Variants in UBA6 observed in about 807,000 individuals in gnomAD.
UBA6 encodes the protein ubiquitin-like modifier-activating enzyme 6.
UBA6 carries 87 observed loss-of-function variants against 148.3 expected under a neutral mutation model. The observed-to-expected ratio is 0.59, with a 90% CI of 0.49 to 0.70. The LOEUF is 0.70. UBA6 is among the 30% of genes least tolerant of loss of function. UBA6 has a pLI of 0.00. For missense variants in UBA6, 1,186 were observed against 1,241.2 expected, an observed-to-expected ratio of 0.96 and a Z score of 0.67; for synonymous variants, 376 against 401.0, an observed-to-expected ratio of 0.94 and a Z score of 0.75.
chr4:67,662,414 TAA>T lies in UBA6; in HGVS notation c.1038-161_1038-160del, dbSNP rs1360187087. On this transcript the variant is annotated intron_variant, in intron 12 of 32. Coordinates refer to ENST00000322244, the MANE Select transcript of UBA6 (RefSeq NM_018227.6). ...TACTGATTTAAAGATGATTGGCTTATAAATACATTACTTCAAAATCACACTTA... is the reference window on the plus strand; with the variant it reads ...TACTGATTTAAAGATGATTGGCTTATATACATTACTTCAAAATCACACTTA... 7.4e-6 allele frequency: 4 copies of T among 539,888 alleles called. No individual in the cohort carries two copies. In the African/African-American group the frequency reaches 7.7e-5, roughly 10 times the overall value. 33.4% of individuals were successfully genotyped at this position (539,888 alleles called of 1,614,324 possible). A position where few individuals can be genotyped will look rare whatever the true frequency, so the allele number is the denominator to read the frequency against.
intron 28 of UBA6, 54 bp from the exon 29 acceptor site, chr4:67,625,241 C>T: frequency 7.2e-7 from 1 of 1,391,182 alleles, no homozygotes; most frequent in Middle Eastern, 1.9e-4. Flanking sequence ...AAAGATTTTA[C>T]TAGGTAAAAA....
intron 31 of UBA6, 91 bp from the exon 32 acceptor site, chr4:67,623,016 C>T (rs575152083): frequency 7.4e-7 from 1 of 1,357,302 alleles, no homozygotes; most frequent in South Asian, 1.3e-5. Context: ...TGTTTTATGA[C>T]CAGTAAAAAA....
At chr4:67,664,069 G>A in intron 10 of UBA6, 122 bp from the exon 11 acceptor site, 1 of 648,442 alleles carries the variant, frequency 1.5e-6, no homozygotes, top group East Asian at 2.7e-5. Flanking sequence ...ATAAAGTAGG[G>A]TTGGGCTGGT....
At position 67,696,842 on chromosome 4, in the gene UBA6, T is replaced by C. The variant is rs1730852136; in HGVS notation, c.72-135A>G. 6.3e-6 allele frequency: 4 copies of C among 637,202 alleles called. No individual in the cohort carries two copies. In the South Asian group the frequency reaches 6.8e-5, roughly 11 times the overall value. The allele number at this position is 637,202 out of a possible 1,614,324, so 39.5% of individuals were successfully genotyped here. A position where few individuals can be genotyped will look rare whatever the true frequency, so the allele number is the denominator to read the frequency against. The stretch of plus-strand genomic sequence containing the variant: ...ATTTTATTAACAACCACTTTACTTA[T>C]ATTTTTTAAATGGCCTGAAATTAAA... On this transcript the variant is annotated intron_variant, in intron 1 of 32. Coordinates refer to ENST00000322244, the MANE Select transcript of UBA6 (RefSeq NM_018227.6).
At chr4:67,676,127 G>A (rs1390158652) in intron 6 of UBA6, among the ~76,000 whole-genome samples, 4 of 150,186 alleles carry the variant, frequency 2.7e-5, no homozygotes, top group Admixed American at 6.7e-5. Context: ...GGGTTCAAGC[G>A]ATTCTCCTGC....
intron 2 of UBA6, among the ~76,000 whole-genome samples, chr4:67,686,956 A>AC: frequency 1.8e-5 from 1 of 55,032 alleles, no homozygotes. Flanking sequence ...TGTCTCTAAA[A>AC]AAAAAAAAAA....
Position 67,663,600 on chromosome 4 carries a change from T to G in UBA6, c.960+285A>C, listed in dbSNP as rs1444911958. On this transcript the variant is annotated intron_variant, in intron 11 of 32. Transcript: ENST00000322244. ...CAGAAAATCTTTTAATAAGATCATCTTTGTACAAGTTATTGAAATCGTCTT... is the reference window on the plus strand; with the variant it reads ...CAGAAAATCTTTTAATAAGATCATCGTTGTACAAGTTATTGAAATCGTCTT... The G allele has an allele frequency of 2.3e-5, 10 of 432,538 alleles. No homozygotes were observed. In the East Asian group the frequency reaches 3.8e-4, roughly 16 times the overall value. The allele number at this position is 432,538 out of a possible 1,614,324, so 26.8% of individuals were successfully genotyped here. A position where few individuals can be genotyped will look rare whatever the true frequency, so the allele number is the denominator to read the frequency against.
chr4:67,644,275 T>C (rs1729370429), intron 17 of UBA6, among the ~76,000 whole-genome samples: 1 of 152,162 alleles, frequency 6.6e-6, no homozygotes, highest in African/African-American at 2.4e-5. Context: ...CTACTTTTAA[T>C]ACTCTTTAAT....
Position 67,635,538 on chromosome 4 carries a change from C to T in UBA6, c.1757G>A (p.Arg586Lys), listed in dbSNP as rs756000452. 1.9e-6 allele frequency: 3 copies of T among 1,610,500 alleles called. No homozygotes were observed. Among genetic ancestry groups the T allele is most frequent in the African/African-American group, 2.7e-5 (2 of 74,796 alleles). The change falls in exon 20 of 33, where the codon AGG (arginine) becomes AAG (lysine). Residue 586 changes from arginine to lysine, a missense_variant. Transcript: ENST00000322244. ...CATTGTTCCAGAATCTAAAAGAGGCCTTAGATTTGCTAAGCAACGACTATT... is the reference window on the plus strand; with the variant it reads ...CATTGTTCCAGAATCTAAAAGAGGCTTTAGATTTGCTAAGCAACGACTATT... ...YVDSRCLANL[R>K]PLLDSGTMGT...
intron 13 of UBA6, among the ~76,000 whole-genome samples, chr4:67,653,592 A>G (rs1350542182): frequency 6.6e-6 from 1 of 152,230 alleles, no homozygotes; most frequent in Non-Finnish European, 1.5e-5. Flanking sequence ...CCAGAGCAGA[A>G]AAGCCAAAAA....
intron 1 of UBA6, 99 bp from the exon 2 acceptor site, chr4:67,696,806 A>G: frequency 1.2e-6 from 1 of 851,672 alleles, no homozygotes; most frequent in East Asian, 2.7e-5. Context: ...GTTTTCACAA[A>G]CCAAACATAT....
Position 67,698,347 on chromosome 4 carries a change from T to C in UBA6, c.72-1640A>G, listed in dbSNP as rs376622666. Among the ~76,000 whole-genome samples the C allele has an allele frequency of 5.9e-5, 9 of 152,332 alleles. No individual in the cohort carries two copies. The South Asian group carries it at 6.2e-4, about 11-fold the overall frequency. On this transcript the variant is annotated intron_variant, in intron 1 of 32. Transcript: ENST00000322244. ...AATGTATGGTCTGTTAAAAACTCACTACTGTATTCCAAATACCTAAAACAG... is the reference window on the plus strand; with the variant it reads ...AATGTATGGTCTGTTAAAAACTCACCACTGTATTCCAAATACCTAAAACAG...
At chr4:67,639,822 G>A (rs1251778251) in intron 18 of UBA6, among the ~76,000 whole-genome samples, 1 of 151,800 alleles carries the variant, frequency 6.6e-6, no homozygotes, top group Non-Finnish European at 1.5e-5. Context: ...ATTAACAAAA[G>A]GCATATGAAT....
At chr4:67,623,975 G>A (rs1728808729) in intron 30 of UBA6, 151 bp downstream of exon 30, 1 of 487,908 alleles carries the variant, frequency 2.0e-6, no homozygotes, top group African/African-American at 2.0e-5. Flanking sequence ...ATTTAATGAA[G>A]ATGAGGTTTG....
chr4:67,638,497 C>A, intron 19 of UBA6: 1 of 160,348 alleles, frequency 6.2e-6, no homozygotes, highest in South Asian at 1.7e-4. Flanking sequence ...TGCAGTGGGT[C>A]CTTTTTGTGC....
intron 13 of UBA6, among the ~76,000 whole-genome samples, chr4:67,659,853 G>A (rs1729805913): frequency 6.6e-6 from 1 of 152,154 alleles, no homozygotes; most frequent in Non-Finnish European, 1.5e-5. Context: ...TAGTGATATG[G>A]ACAATGAAGT....
At position 67,677,658 on chromosome 4, in the gene UBA6, C is replaced by A. The variant is rs765370287; in HGVS notation, c.418G>T (p.Val140Phe). 2.5e-6 allele frequency: 4 copies of A among 1,606,900 alleles called. No homozygotes were observed. Among genetic ancestry groups the A allele is most frequent in the East Asian group, 2.2e-5 (1 of 44,586 alleles). The change falls in exon 6 of 33, where the codon GTT (valine) becomes TTT (phenylalanine). Residue 140 changes from valine to phenylalanine, a missense_variant. Physicochemically the swap from Val to Phe is conservative, Grantham distance 50. Transcript: ENST00000322244. ...AGATCTGTGGTCTCATTGAAAGGAA[C>A]AGAAGATGATGTGACATGAACGTAT... ...NPYVHVTSSS[V>F]PFNETTDLSF... is the part of the protein sequence containing the mutation.
chr4:67,695,933 ATAGTT>A lies in UBA6; in HGVS notation c.134+707_134+711del, dbSNP rs551088564. Among the ~76,000 whole-genome samples, 24 of 152,300 alleles carry A rather than the reference ATAGTT, an allele frequency of 1.6e-4. No individual in the cohort carries two copies. In the South Asian group the frequency reaches 4.8e-3, roughly 30 times the overall value. ...AAGTATTCAAATTTCATGAAAAAGT[ATAGTT>A]TAAAAAGTCTCATCAAATTTCATTC... On this transcript the variant is annotated intron_variant, in intron 2 of 32. Transcript: ENST00000322244.
intron 2 of UBA6, among the ~76,000 whole-genome samples, chr4:67,694,283 C>CACA (rs771497060): frequency 1.8e-4 from 23 of 126,618 alleles, no homozygotes; most frequent in Non-Finnish European, 2.6e-4. Flanking sequence ...GATTCAGTCA[C>CACA]TATAAAAAAA....
Sources: gnomAD v4.1 joint callset for allele counts (sites outside exome capture counted in the v4.1 genomes callset) on GRCh38, gnomAD v4.1.1 for gene constraint, MANE v1.5 for transcripts, NCBI Gene and HGNC (gene_info 2026-07-23, HGNC 2026-07-21) for gene names.